Variants in RANBP2 observed in about 807,000 individuals in gnomAD.
RANBP2 encodes RAN binding protein 2.
In RANBP2, 57 loss-of-function variants were observed where a neutral mutation model predicts 303.6. The observed-to-expected ratio is 0.19, with a 90% CI of 0.15 to 0.23. RANBP2 has a LOEUF of 0.23. Ranked by LOEUF, RANBP2 falls within the 10% of genes least tolerant of loss-of-function variation. RANBP2 has a pLI of 1.00. For missense variants in RANBP2, 3,138 were observed against 3,780.8 expected, an observed-to-expected ratio of 0.83 and a Z score of 4.46; for synonymous variants, 1,167 against 1,301.5, an observed-to-expected ratio of 0.90 and a Z score of 2.23.
rs1573756026 is a variant in RANBP2 at position 108,747,941 on chromosome 2, T to C, written c.1064-979T>C. Among the ~76,000 whole-genome samples, 4 of 152,202 alleles carry C rather than the reference T, an allele frequency of 2.6e-5. No homozygotes were observed. The South Asian group carries it at 8.3e-4, about 31-fold the overall frequency. On this transcript the variant is annotated intron_variant, in intron 8 of 28. Transcript: ENST00000283195. ...CACTCCATGAGGAATTCCTTACCTA[T>C]TAGCAGTTACTTCCCATTTTACCCA...
At chr2:109,578,684 T>C in the RANBP2 span, among the ~76,000 whole-genome samples, 2 of 152,066 alleles carry the variant, frequency 1.3e-5, no homozygotes, top group African/African-American at 4.8e-5. Flanking sequence ...AGGGAATCGC[T>C]TGAACCTGGG....
At chr2:109,474,573 C>T in the RANBP2 span, among the ~76,000 whole-genome samples, 1 of 152,206 alleles carries the variant, frequency 6.6e-6, no homozygotes, top group Admixed American at 6.5e-5. Flanking sequence ...TAGCCATGGG[C>T]ACAGTGTCCC....
At chr2:109,343,621 AGTAC>A in the RANBP2 span, among the ~76,000 whole-genome samples, 1 of 152,216 alleles carries the variant, frequency 6.6e-6, no homozygotes, top group East Asian at 1.9e-4. Flanking sequence ...TCATGCTCTC[AGTAC>A]CAGACTCGAG....
chr2:109,183,603 A>T, the RANBP2 span, among the ~76,000 whole-genome samples: 18 of 3,238 alleles, frequency 5.6e-3, no homozygotes, highest in African/African-American at 0.043. Flanking sequence ...TTTTTGAGAT[A>T]AAAAAAATGA....
chr2:109,543,799 T>A, the RANBP2 span: 1 of 215,342 alleles, frequency 4.6e-6, no homozygotes, highest in Non-Finnish European at 9.2e-6. Flanking sequence ...AATATATAGG[T>A]ACAAGCTGAG....
chr2:108,741,685 A>T (rs1413272192), intron 7 of RANBP2, among the ~76,000 whole-genome samples: 4 of 136,638 alleles, frequency 2.9e-5, no homozygotes, highest in Non-Finnish European at 3.1e-5. Flanking sequence ...TTTTTTTTGT[A>T]CTTTTAGTAT....
intron 25 of RANBP2, among the ~76,000 whole-genome samples, chr2:108,777,757 A>G (rs1407403643): frequency 1.3e-5 from 2 of 152,148 alleles, no homozygotes; most frequent in Non-Finnish European, 2.9e-5. Context: ...CCCTGATTGT[A>G]TCCGGTTTAC....
the RANBP2 span, among the ~76,000 whole-genome samples, chr2:109,728,545 T>G: frequency 6.6e-6 from 1 of 151,600 alleles, no homozygotes; most frequent in African/African-American, 2.4e-5. Flanking sequence ...AACCTCCGCC[T>G]CCTGGGTTCA....
chr2:108,900,560 G>GA, the RANBP2 span, among the ~76,000 whole-genome samples: 773 of 43,460 alleles, frequency 0.018, 3 homozygotes, highest in Non-Finnish European at 0.024. Context: ...CAAAAAAAAA[G>GA]AAAAAAAAAA....
At chr2:108,739,749 A>T (rs826568) in intron 6 of RANBP2, among the ~76,000 whole-genome samples, 1 of 152,010 alleles carries the variant, frequency 6.6e-6, no homozygotes. Flanking sequence ...ACATTGGTAA[A>T]CTGAGGTGGG....
the RANBP2 span, among the ~76,000 whole-genome samples, chr2:109,152,625 T>A: frequency 3.9e-5 from 6 of 152,360 alleles, 1 homozygote; most frequent in Admixed American, 2.0e-4. Flanking sequence ...GTGGGGATTA[T>A]CATTCTCTTT....
the RANBP2 span, among the ~76,000 whole-genome samples, chr2:109,199,637 T>TCAACCC: frequency 0.04 from 2 of 50 alleles, no homozygotes; most frequent in African/African-American, 0.1. Flanking sequence ...TGGAATGGAA[T>TCAACCC]GGAATGGAAT....
chr2:109,559,416 CTGAG>C, the RANBP2 span, among the ~76,000 whole-genome samples: 3 of 152,130 alleles, frequency 2.0e-5, no homozygotes, highest in South Asian at 2.1e-4. Context: ...CCTAAACTTA[CTGAG>C]TTTCTTCCAG....
chr2:109,566,610 C>T, the RANBP2 span, among the ~76,000 whole-genome samples: 6 of 152,150 alleles, frequency 3.9e-5, 1 homozygote, highest in African/African-American at 1.4e-4. Context: ...TAAAGTAGTA[C>T]ACAAAGTCCC....
At chr2:108,737,916 G>A (rs1251433807) in intron 6 of RANBP2, among the ~76,000 whole-genome samples, 57 of 151,420 alleles carry the variant, frequency 3.8e-4, no homozygotes, top group Non-Finnish European at 6.5e-4. Context: ...GGGTTTCACC[G>A]TGTTAGCCAG....
At chr2:108,813,831 G>T in the RANBP2 span, among the ~76,000 whole-genome samples, 1 of 152,018 alleles carries the variant, frequency 6.6e-6, no homozygotes, top group African/African-American at 2.4e-5. Context: ...AATTAGTTTT[G>T]CCTGTTTGAG....
the RANBP2 span, among the ~76,000 whole-genome samples, chr2:109,651,207 A>G: frequency 6.6e-6 from 1 of 151,850 alleles, no homozygotes; most frequent in East Asian, 1.9e-4. Flanking sequence ...TACCATTTCC[A>G]CCCCTTGATT....
chr2:109,086,870 A>C, the RANBP2 span, among the ~76,000 whole-genome samples: 1 of 152,192 alleles, frequency 6.6e-6, no homozygotes, highest in Non-Finnish European at 1.5e-5. Context: ...CTTTACCTGC[A>C]ACTGCCAAGG....
At chr2:108,780,428 G>A (rs1340910632) in intron 25 of RANBP2, among the ~76,000 whole-genome samples, 4 of 146,816 alleles carry the variant, frequency 2.7e-5, no homozygotes, top group Admixed American at 6.8e-5. Context: ...GCAGTGGGGC[G>A]GTATCTGATC....
Sources: allele counts gnomAD v4.1 joint callset (sites outside exome capture counted in the v4.1 genomes callset), GRCh38; gene constraint gnomAD v4.1.1; transcripts MANE v1.5; gene names NCBI Gene and HGNC (gene_info 2026-07-23, HGNC 2026-07-21).